Variants in PALM2AKAP2 observed in about 807,000 individuals in gnomAD.
PALM2AKAP2 encodes the protein PALM2 and AKAP2 fusion, also known as PALM2-AKAP2 fusion protein.
In PALM2AKAP2, 37 loss-of-function variants were observed where a neutral mutation model predicts 71.5. That is an observed-to-expected ratio of 0.52 (90% CI 0.40 to 0.68). The LOEUF (loss-of-function observed/expected upper bound fraction) is 0.68, where lower values mean the gene tolerates loss of function less well. PALM2AKAP2 is among the 30% of genes least tolerant of loss of function. The pLI, the probability that PALM2AKAP2 is intolerant of heterozygous loss-of-function variation, is 0.00. For missense variants in PALM2AKAP2, 1,224 were observed against 1,191.8 expected, an observed-to-expected ratio of 1.03 and a Z score of -0.40; for synonymous variants, 468 against 478.8, an observed-to-expected ratio of 0.98 and a Z score of 0.29.
intron 1 of PALM2AKAP2, among the ~76,000 whole-genome samples, chr9:110,053,173 CCAT>C (rs1588079902): frequency 1.3e-5 from 2 of 152,096 alleles, no homozygotes; most frequent in Middle Eastern, 3.2e-3. Flanking sequence ...CTCCTGTCTC[CCAT>C]CTAGGAGGAC....
intron 5 of PALM2AKAP2, 112 bp downstream of exon 5, chr9:109,925,194 A>G: frequency 2.0e-6 from 3 of 1,537,344 alleles, no homozygotes; most frequent in Non-Finnish European, 2.7e-6. Flanking sequence ...TAAAGGCATC[A>G]GAAGAAGTAG....
chr9:109,839,891 C>A lies in PALM2AKAP2; in HGVS notation c.46-27600C>A, dbSNP rs1035053387. Reference sequence around the variant, plus strand: ...GACACAAACAAATGGAAGAATATTCCATGCTCATGGATAGGAAAAATCAAT... The same window carrying A: ...GACACAAACAAATGGAAGAATATTCAATGCTCATGGATAGGAAAAATCAAT... On this transcript the variant is annotated intron_variant, in intron 1 of 9. Transcript: ENST00000302798. Among the ~76,000 whole-genome samples, 65 of 152,192 alleles carry A rather than the reference C, an allele frequency of 4.3e-4. 1 individual carries two copies. The highest frequency in any genetic ancestry group is 4.1e-3 in the Admixed American group (62 of 15,272).
intron 2 of PALM2AKAP2, among the ~76,000 whole-genome samples, chr9:109,875,328 T>C (rs535748968): frequency 9.8e-5 from 15 of 152,336 alleles, no homozygotes; most frequent in African/African-American, 3.4e-4. Context: ...CATTGTCCTG[T>C]CTACCTCTTC....
intron 3 of PALM2AKAP2, among the ~76,000 whole-genome samples, chr9:109,903,171 G>C (rs1307898547): frequency 6.6e-6 from 1 of 152,098 alleles, no homozygotes; most frequent in African/African-American, 2.4e-5. Flanking sequence ...CAGCCGCAGG[G>C]AGGAAGAGCA....
rs374228360 is a variant in PALM2AKAP2 at position 109,780,761 on chromosome 9, A to T, written c.45+228A>T. The stretch of plus-strand genomic sequence containing the variant: ...GGATTTGAATGTGGAAGATTGGCTT[A>T]AAAAAAGATGCTTGCTGCTGGGCTT... On this transcript the variant is annotated intron_variant, in intron 1 of 9. Coordinates refer to the PALM2AKAP2 transcript ENST00000302798. Among the ~76,000 whole-genome samples the T allele has an allele frequency of 2.1e-3, 322 of 152,282 alleles. 1 individual carries two copies. Among genetic ancestry groups the T allele is most frequent in the Non-Finnish European group, 2.2e-3 (149 of 68,020 alleles).
Position 110,158,043 on chromosome 9 carries a change from A to G in PALM2AKAP2, c.2748+1546A>G, listed in dbSNP as rs1836501485. On this transcript the variant is annotated intron_variant, in intron 3 of 3. Transcript: ENST00000374525. ...ATTCTACTGGGCTCTTCACTGTATT[A>G]GACAGTGGGATGATGCCCGGCCCTG... Among the ~76,000 whole-genome samples the G allele has an allele frequency of 1.3e-5, 2 of 152,154 alleles. 1 individual carries two copies. The highest frequency in any genetic ancestry group is 4.1e-4 in the South Asian group (2 of 4,828).
Position 109,825,524 on chromosome 9 carries a change from A to G in PALM2AKAP2, c.46-41967A>G, listed in dbSNP as rs143511155. On this transcript the variant is annotated intron_variant, in intron 1 of 9. Transcript: ENST00000302798. ...ACTCAAACAAATTTACAAGAAAATAACAAACAACCCAATCAACAAGTGGGC... is the reference window on the plus strand; with the variant it reads ...ACTCAAACAAATTTACAAGAAAATAGCAAACAACCCAATCAACAAGTGGGC... 1.6e-4 allele frequency among the ~76,000 whole-genome samples: 25 copies of G among 152,368 alleles called. No homozygotes were observed. The East Asian group carries it at 4.4e-3, about 27-fold the overall frequency.
intron 1 of PALM2AKAP2, among the ~76,000 whole-genome samples, chr9:110,088,720 T>G (rs796114665): frequency 0.2 from 26,327 of 132,798 alleles, 3,887 homozygotes; most frequent in African/African-American, 0.38. Flanking sequence ...TTTTTTTTTT[T>G]TTTTTTTTTT....
chr9:109,685,171 C>T (rs965400624), intron 1 of PALM2AKAP2, among the ~76,000 whole-genome samples: 1 of 152,196 alleles, frequency 6.6e-6, no homozygotes, highest in African/African-American at 2.4e-5. Context: ...TGCAAAGGGA[C>T]AGAAGGGAGT....
intron 1 of PALM2AKAP2, among the ~76,000 whole-genome samples, chr9:110,057,082 C>G (rs891081393): frequency 6.6e-6 from 1 of 152,214 alleles, no homozygotes. Context: ...GTAGGAGGAG[C>G]TAAGTGGGAG....
chr9:109,808,554 A>G (rs968799225), intron 1 of PALM2AKAP2, among the ~76,000 whole-genome samples: 1 of 152,262 alleles, frequency 6.6e-6, no homozygotes, highest in African/African-American at 2.4e-5. Context: ...ATTATAACTT[A>G]TCTTTAAAAG....
chr9:109,931,975 G>C (rs1177170626), exon 6 of PALM2AKAP2: 1 of 1,613,996 alleles, frequency 6.2e-7, no homozygotes, highest in Non-Finnish European at 8.5e-7. Flanking sequence ...CCAATCCTCT[G>C]TTCACGAACA....
At chr9:109,867,333 A>G in intron 1 of PALM2AKAP2, 158 bp from the exon 2 acceptor site, 1 of 731,642 alleles carries the variant, frequency 1.4e-6, no homozygotes, top group Non-Finnish European at 2.3e-6. Flanking sequence ...TGCTTGCAAC[A>G]CACCCAGAGA....
chr9:109,918,151 CTG>C (rs1830738553), intron 3 of PALM2AKAP2, among the ~76,000 whole-genome samples: 1 of 152,212 alleles, frequency 6.6e-6, no homozygotes, highest in Non-Finnish European at 1.5e-5. Context: ...TGAGCAGACA[CTG>C]TGTCTGATTT....
At chr9:109,667,335 G>T (rs1434826889) in intron 1 of PALM2AKAP2, among the ~76,000 whole-genome samples, 3 of 152,134 alleles carry the variant, frequency 2.0e-5, no homozygotes, top group Admixed American at 1.3e-4. Context: ...GTACCTAGCT[G>T]TAGGCTAGGC....
At chr9:109,923,604 C>T in intron 3 of PALM2AKAP2, 131 bp from the exon 4 acceptor site, 2 of 931,638 alleles carry the variant, frequency 2.1e-6, no homozygotes, top group Non-Finnish European at 3.2e-6. Context: ...AAACCTTGGC[C>T]TGGCTCCTCA....
chr9:109,748,650 C>T (rs1828839029), intron 1 of PALM2AKAP2, among the ~76,000 whole-genome samples: 1 of 152,128 alleles, frequency 6.6e-6, no homozygotes, highest in Non-Finnish European at 1.5e-5. Flanking sequence ...CAATTTTGCT[C>T]TGGAAACTGG....
At chr9:110,116,355 CGTGTGTGCGTGTGTGTGTGCGTGTGT>C (rs1564313596) in intron 1 of PALM2AKAP2, among the ~76,000 whole-genome samples, 1 of 151,604 alleles carries the variant, frequency 6.6e-6, no homozygotes, top group Non-Finnish European at 1.5e-5. Context: ...TTAATGAGCC[CGTGTGTGCGTGTGTGTGTGCGTGTGT>C]GTGTGTGCGC....
intron 1 of PALM2AKAP2, among the ~76,000 whole-genome samples, chr9:109,817,994 T>A (rs1827894313): frequency 6.6e-6 from 1 of 152,232 alleles, no homozygotes; most frequent in Non-Finnish European, 1.5e-5. Context: ...TTCATAGAAA[T>A]GCGCTGATAA....
Sources: allele counts gnomAD v4.1 joint callset (sites outside exome capture counted in the v4.1 genomes callset), GRCh38; gene constraint gnomAD v4.1.1; transcripts MANE v1.5; gene names NCBI Gene and HGNC (gene_info 2026-07-23, HGNC 2026-07-21).